LRP1B: variants seen among roughly 807,000 people sequenced by gnomAD.
LRP1B encodes the protein low-density lipoprotein receptor-related protein 1B.
A neutral mutation model predicts 556.6 loss-of-function variants in LRP1B; 217 were observed. The observed-to-expected ratio is 0.39, with a 90% CI of 0.35 to 0.44. The LOEUF is 0.44. Among genes scored for constraint, LRP1B ranks in the 20% least tolerant of loss-of-function variants. LRP1B has a pLI of 1.00. For missense variants in LRP1B, 5,053 were observed against 5,620.8 expected, an observed-to-expected ratio of 0.90 and a Z score of 3.23; for synonymous variants, 2,047 against 1,865.8, an observed-to-expected ratio of 1.10 and a Z score of -2.50.
At chr2:141,313,009 G>A (rs1686871208) in intron 3 of LRP1B, among the ~76,000 whole-genome samples, 1 of 152,006 alleles carries the variant, frequency 6.6e-6, no homozygotes, top group Admixed American at 6.6e-5. Flanking sequence ...AAAACTTTCT[G>A]CTCTAGGTAA....
intron 2 of LRP1B, among the ~76,000 whole-genome samples, chr2:141,745,816 G>A (rs927030604): frequency 6.6e-6 from 1 of 152,080 alleles, no homozygotes; most frequent in Admixed American, 6.6e-5. Flanking sequence ...GAAAGTCTCA[G>A]AGTCTCACCC....
Position 140,715,971 on chromosome 2 carries a change from A to C in LRP1B, c.6023+2T>G. 6.4e-7 allele frequency: 1 copy of C among 1,565,258 alleles called. No homozygotes were observed. Among genetic ancestry groups the C allele is most frequent in the Non-Finnish European group, 8.7e-7 (1 of 1,154,864 alleles). Reference sequence around the variant, plus strand: ...GAAGATATACGTAAATCTTAAAATTACCCTTTCTCTGGGTGCACAGCTATA... The same window carrying C: ...GAAGATATACGTAAATCTTAAAATTCCCCTTTCTCTGGGTGCACAGCTATA... On this transcript the variant is annotated splice_donor_variant, in intron 37 of 90. Coordinates refer to ENST00000389484, the MANE Select transcript of LRP1B (RefSeq NM_018557.3). LOFTEE classifies it high-confidence loss of function.
At chr2:141,951,799 G>A (rs962185617) in intron 1 of LRP1B, among the ~76,000 whole-genome samples, 3 of 151,916 alleles carry the variant, frequency 2.0e-5, no homozygotes, top group African/African-American at 7.3e-5. Context: ...AACTAGATGA[G>A]CTTTGATTAG....
chr2:141,002,785 A>G (rs1329988258), intron 15 of LRP1B, among the ~76,000 whole-genome samples: 1 of 152,052 alleles, frequency 6.6e-6, no homozygotes, highest in Non-Finnish European at 1.5e-5. Context: ...TTTAAGTACT[A>G]AGCAATACAA....
chr2:141,266,823 C>T lies in LRP1B; in HGVS notation c.344-12182G>A, dbSNP rs569231540. On this transcript the variant is annotated intron_variant, in intron 3 of 90. Transcript: ENST00000389484. ...TCTGAAGAGAGATTAATTTATTTTA[C>T]AAATTATAAATAAAATGACTGGTTT... 2.2e-3 allele frequency among the ~76,000 whole-genome samples: 339 copies of T among 152,104 alleles called. 4 individuals carry two copies. Among genetic ancestry groups the T allele is most frequent in the Middle Eastern group, 0.017 (5 of 294 alleles).
At chr2:141,943,854 T>C (rs1293367107) in intron 1 of LRP1B, among the ~76,000 whole-genome samples, 1 of 152,124 alleles carries the variant, frequency 6.6e-6, no homozygotes, top group Admixed American at 6.6e-5. Context: ...AAGATTAGGC[T>C]CGCAGACACT....
intron 41 of LRP1B, among the ~76,000 whole-genome samples, chr2:140,652,937 A>G: frequency 6.6e-6 from 1 of 152,140 alleles, no homozygotes; most frequent in East Asian, 1.9e-4. Context: ...AAATTACTTT[A>G]AAATAAATAC....
At chr2:141,379,963 C>T (rs983332206) in intron 3 of LRP1B, among the ~76,000 whole-genome samples, 5 of 152,156 alleles carry the variant, frequency 3.3e-5, no homozygotes, top group African/African-American at 1.2e-4. Context: ...AAAGCCCTTC[C>T]TCAGCCTGCT....
intron 7 of LRP1B, among the ~76,000 whole-genome samples, chr2:141,108,681 A>G (rs1700673372): frequency 6.6e-6 from 1 of 152,088 alleles, no homozygotes; most frequent in South Asian, 2.1e-4. Context: ...ACATATTTAG[A>G]CATAAGTGAC....
At chr2:140,314,702 T>C (rs1393473816) in intron 83 of LRP1B, among the ~76,000 whole-genome samples, 2 of 152,124 alleles carry the variant, frequency 1.3e-5, no homozygotes, top group African/African-American at 4.8e-5. Context: ...CTATAAACAC[T>C]GAGCCTGTCA....
intron 2 of LRP1B, among the ~76,000 whole-genome samples, chr2:141,617,566 A>G (rs1053992491): frequency 6.6e-6 from 1 of 152,102 alleles, no homozygotes; most frequent in Non-Finnish European, 1.5e-5. Flanking sequence ...CTTAGCCAAT[A>G]TTTTCTTAGT....
chr2:140,324,682 ATTAT>A (rs1473404288), intron 80 of LRP1B, among the ~76,000 whole-genome samples: 2 of 152,012 alleles, frequency 1.3e-5, no homozygotes, highest in East Asian at 1.9e-4. Flanking sequence ...TTATAGAATA[ATTAT>A]TCTAACTTTT....
chr2:142,032,732 T>G (rs910061398), intron 1 of LRP1B, among the ~76,000 whole-genome samples: 1 of 151,826 alleles, frequency 6.6e-6, no homozygotes, highest in African/African-American at 2.4e-5. Context: ...TCGAGGCTGT[T>G]CAGTTTCAAA....
chr2:140,387,242 CT>C (rs1225472773), intron 66 of LRP1B, among the ~76,000 whole-genome samples: 1 of 152,048 alleles, frequency 6.6e-6, no homozygotes, highest in Non-Finnish European at 1.5e-5. Context: ...TGGTTTTGTG[CT>C]TTACTTCGAA....
At chr2:141,083,575 G>C (rs1699977444) in intron 7 of LRP1B, among the ~76,000 whole-genome samples, 1 of 152,134 alleles carries the variant, frequency 6.6e-6, no homozygotes, top group Admixed American at 6.5e-5. Flanking sequence ...TACCAATGTG[G>C]CGATGTTAAA....
intron 6 of LRP1B, among the ~76,000 whole-genome samples, chr2:141,211,618 G>C (rs563929885): frequency 6.6e-6 from 1 of 152,012 alleles, no homozygotes; most frequent in South Asian, 2.1e-4. Context: ...CTCCATCTCA[G>C]AAAAATAAAA....
intron 6 of LRP1B, among the ~76,000 whole-genome samples, chr2:141,206,655 T>C (rs1682298419): frequency 6.6e-6 from 1 of 152,134 alleles, no homozygotes; most frequent in Non-Finnish European, 1.5e-5. Flanking sequence ...GTGGGCACCC[T>C]GGATTGGCTC....
intron 35 of LRP1B, among the ~76,000 whole-genome samples, chr2:140,744,847 AG>A (rs1688264390): frequency 6.6e-6 from 1 of 152,122 alleles, no homozygotes; most frequent in South Asian, 2.1e-4. Context: ...TGCAAGCTCC[AG>A]GAGAGGAGAG....
chr2:141,298,780 C>T (rs1686282082), intron 3 of LRP1B, among the ~76,000 whole-genome samples: 1 of 151,846 alleles, frequency 6.6e-6, no homozygotes, highest in African/African-American at 2.4e-5. Context: ...CATGGTGAAA[C>T]CCTGTCTCTA....
Sources: gnomAD v4.1 joint callset for allele counts (sites outside exome capture counted in the v4.1 genomes callset) on GRCh38, gnomAD v4.1.1 for gene constraint, MANE v1.5 for transcripts, NCBI Gene and HGNC (gene_info 2026-07-23, HGNC 2026-07-21) for gene names.